The following CYREN variants were observed in gnomAD, a reference collection of about 807,000 sequenced individuals.
CYREN encodes the protein cell cycle regulator of non-homologous end joining.
In CYREN, 7 loss-of-function variants were observed where a neutral mutation model predicts 9.7. That is an observed-to-expected ratio of 0.72 (90% CI 0.41 to 1.36). CYREN has a LOEUF of 1.36. Ranked by LOEUF, CYREN falls within the 40% of genes most tolerant of loss-of-function variation. CYREN has a pLI of 0.01. For synonymous variants in CYREN, 76 were observed against 77.9 expected (o/e 0.98, Z 0.13); for missense variants, 215 against 198.1 (o/e 1.09, Z -0.51).
At chr7:135,162,032 G>A (rs1363026358), downstream of CYREN, among the ~76,000 whole-genome samples, 9 of 152,208 alleles carry the variant, frequency 5.9e-5, no homozygotes, top group East Asian at 1.9e-4. Flanking sequence ...CAAAGAAGTC[G>A]CTGGTCAATC....
intron 2 of CYREN, among the ~76,000 whole-genome samples, chr7:135,119,026 G>T (rs945526520): frequency 6.6e-6 from 1 of 152,060 alleles, no homozygotes; most frequent in Non-Finnish European, 1.5e-5. Flanking sequence ...GCACCTGTAG[G>T]ACTATAAGAC....
At chr7:135,126,422 G>A (rs1224818991) in intron 2 of CYREN, among the ~76,000 whole-genome samples, 2 of 152,126 alleles carry the variant, frequency 1.3e-5, no homozygotes, top group African/African-American at 2.4e-5. Context: ...TTCCATCCTC[G>A]TGGATAGGAA....
At position 135,168,680 on chromosome 7, in the gene CYREN, C is replaced by T. The variant is rs1462384479; in HGVS notation, c.137+106G>A. On this transcript the variant is annotated intron_variant, in intron 2 of 3. Coordinates refer to ENST00000393114, the MANE Select transcript of CYREN (RefSeq NM_024033.4). ...CAAGAGATGATCAGACTGAAACACC[C>T]GCCCATCTTGCTGTTCTGCCTAGGC... 1.9e-5 allele frequency: 28 copies of T among 1,464,436 alleles called. No individual in the cohort carries two copies. In the East Asian group the frequency reaches 2.3e-4, roughly 12 times the overall value. The allele number at this position is 1,464,436 out of a possible 1,614,324, so 90.7% of individuals were successfully genotyped here. A position where few individuals can be genotyped will look rare whatever the true frequency, so the allele number is the denominator to read the frequency against.
chr7:135,170,794 C>A (rs116133465), upstream of CYREN: 10,555 of 152,222 alleles, frequency 0.069, 416 homozygotes, highest in African/African-American at 0.086. Flanking sequence ...GAACTCCCGG[C>A]CCCCTCGCAG....
rs559488322 is a variant in CYREN, at chr7:135,140,475, G to A, written n.356+28274C>T. Among the ~76,000 whole-genome samples the A allele has an allele frequency of 1.3e-3, 195 of 152,002 alleles. 1 individual carries two copies. Among genetic ancestry groups the A allele is most frequent in the African/African-American group, 4.5e-3 (187 of 41,468 alleles). Reference sequence around the variant, plus strand: ...AGGAGCCTTTGGGCAGAGACTATGGGGTTTTCTAGGTATAGAGTCATATAA... The same window carrying A: ...AGGAGCCTTTGGGCAGAGACTATGGAGTTTTCTAGGTATAGAGTCATATAA... On this transcript the variant is annotated intron_variant and non_coding_transcript_variant, in intron 2 of 2. Coordinates refer to the CYREN transcript ENST00000459937.
chr7:135,168,605 G>T, intron 2 of CYREN, 181 bp downstream of exon 2: 1 of 922,902 alleles, frequency 1.1e-6, no homozygotes, highest in Non-Finnish European at 1.6e-6. Flanking sequence ...TGTCCTCGAG[G>T]GTTAACCCGC....
intron 1 of CYREN, among the ~76,000 whole-genome samples, chr7:135,169,830 C>A (rs899391384): frequency 6.6e-6 from 1 of 152,178 alleles, no homozygotes; most frequent in African/African-American, 2.4e-5. Context: ...GAGTAGTCAG[C>A]GATAGTCCTC....
intron 2 of CYREN, among the ~76,000 whole-genome samples, chr7:135,156,834 ATGT>A (rs1829805960): frequency 6.6e-6 from 1 of 152,136 alleles, no homozygotes; most frequent in African/African-American, 2.4e-5. Flanking sequence ...TAATTCCCAC[ATGT>A]TGTGAGAGGG....
At chr7:135,170,098 T>C (rs1830541789) in intron 1 of CYREN, among the ~76,000 whole-genome samples, 1 of 152,256 alleles carries the variant, frequency 6.6e-6, no homozygotes, top group East Asian at 1.9e-4. Flanking sequence ...AACGAGGAAC[T>C]GAGACTTAGT....
chr7:135,134,855 C>T lies in CYREN; in HGVS notation n.356+33894G>A, dbSNP rs1288278703. 5.8e-6 allele frequency: 9 copies of T among 1,549,578 alleles called. No homozygotes were observed. The East Asian group carries it at 2.0e-4, about 34-fold the overall frequency. On this transcript the variant is annotated intron_variant and non_coding_transcript_variant, in intron 2 of 2. Coordinates refer to the CYREN transcript ENST00000459937. ...TTCTTTTCTAGACTAAATCCGGCTACTTGCAGAAATATAAAGAAATACAGC... is the reference window on the plus strand; with the variant it reads ...TTCTTTTCTAGACTAAATCCGGCTATTTGCAGAAATATAAAGAAATACAGC...
chr7:135,153,739 T>A (rs149557617), intron 2 of CYREN, among the ~76,000 whole-genome samples: 10 of 152,326 alleles, frequency 6.6e-5, no homozygotes, highest in Non-Finnish European at 1.3e-4. Flanking sequence ...TGGATTTGAT[T>A]TACTAGTATT....
At chr7:135,158,007 T>C (rs1829837001) in intron 2 of CYREN, among the ~76,000 whole-genome samples, 1 of 151,890 alleles carries the variant, frequency 6.6e-6, no homozygotes, top group South Asian at 2.1e-4. Flanking sequence ...CAGCAACCCG[T>C]AGCAGGCACT....
At chr7:135,155,270 T>C (rs1184971822) in intron 2 of CYREN, among the ~76,000 whole-genome samples, 2 of 152,238 alleles carry the variant, frequency 1.3e-5, no homozygotes, top group Non-Finnish European at 2.9e-5. Flanking sequence ...GATCATGTTT[T>C]TTCATCCACT....
chr7:135,125,458 A>G (rs1044121122), intron 2 of CYREN, among the ~76,000 whole-genome samples: 2 of 152,188 alleles, frequency 1.3e-5, no homozygotes, highest in Non-Finnish European at 2.9e-5. Context: ...GAATTTTACC[A>G]GAAGTACAAA....
At chr7:135,098,677 G>A (rs1585101737) in intron 2 of CYREN, among the ~76,000 whole-genome samples, 1 of 152,304 alleles carries the variant, frequency 6.6e-6, no homozygotes, top group South Asian at 2.1e-4. Context: ...ATTTAAGTGA[G>A]AATACACTGT....
intron 2 of CYREN, among the ~76,000 whole-genome samples, chr7:135,133,364 T>C (rs114903610): frequency 0.013 from 1,966 of 152,326 alleles, 37 homozygotes; most frequent in African/African-American, 0.045. Context: ...CCCAGCTTAA[T>C]ATACAAGTTT....
chr7:135,103,038 C>T (rs552177265), intron 2 of CYREN, among the ~76,000 whole-genome samples: 2 of 152,208 alleles, frequency 1.3e-5, no homozygotes, highest in Admixed American at 6.5e-5. Context: ...TGTTTTATAC[C>T]TATGTCATTT....
downstream of CYREN, among the ~76,000 whole-genome samples, chr7:135,161,389 A>T (rs1214715417): frequency 2.0e-5 from 3 of 152,170 alleles, no homozygotes; most frequent in Admixed American, 6.5e-5. This position sits in a 1 kb window ranked among gnomAD's most constrained non-coding sequence, Gnocchi z 4.1. Flanking sequence ...AGTGAGAGGG[A>T]GTGTTTAAAC....
intron 2 of CYREN, among the ~76,000 whole-genome samples, chr7:135,104,777 G>GTTT (rs199595037): frequency 1.0e-4 from 15 of 145,228 alleles, no homozygotes; most frequent in East Asian, 6.0e-4. Context: ...GGGCTGTTTG[G>GTTT]TTTTTTTTTT....
Sources: gnomAD v4.1 joint callset for allele counts (sites outside exome capture counted in the v4.1 genomes callset) on GRCh38, gnomAD v4.1.1 for gene constraint, Gnocchi (gnomAD v3.1) non-coding constraint, MANE v1.5 for transcripts, NCBI Gene and HGNC (gene_info 2026-07-23, HGNC 2026-07-21) for gene names.